PRKCA: variants seen among roughly 807,000 people sequenced by gnomAD.
The protein encoded by PRKCA is protein kinase C alpha type.
Under a neutral mutation model 87.0 loss-of-function variants are expected in PRKCA, and 27 were observed. The ratio of observed to expected loss-of-function variants is 0.31; its 90% CI spans 0.23 to 0.43. The LOEUF is 0.43. PRKCA is among the 20% of genes least tolerant of loss of function. The pLI is 1.00. For synonymous variants in PRKCA, 329 were observed against 311.1 expected (o/e 1.06, Z -0.61); for missense variants, 518 against 852.3 (o/e 0.61, Z 4.88).
At position 66,576,668 on chromosome 17, in the gene PRKCA, C is replaced by T. The variant is rs535929055; in HGVS notation, c.289-64687C>T. 9.2e-5 allele frequency among the ~76,000 whole-genome samples: 14 copies of T among 152,118 alleles called. No homozygotes were observed. The South Asian group carries it at 1.0e-3, about 11-fold the overall frequency. On this transcript the variant is annotated intron_variant, in intron 3 of 16. Transcript: ENST00000413366. ...TGAAATTTCACTTTATTTGATGGTT[C>T]GGCTAGTCATATATAAATTAGTGGG...
chr17:66,785,766 G>A (rs2144374047), intron 14 of PRKCA, among the ~76,000 whole-genome samples: 1 of 152,334 alleles, frequency 6.6e-6, no homozygotes, highest in Middle Eastern at 3.4e-3. Context: ...CGCTTATTGG[G>A]TACAACATAA....
chr17:66,787,496 ATG>A (rs1213850575), intron 15 of PRKCA, among the ~76,000 whole-genome samples: 1 of 152,194 alleles, frequency 6.6e-6, no homozygotes, highest in Non-Finnish European at 1.5e-5. Context: ...CTTAGAAAGT[ATG>A]TGCTCTCGTC....
chr17:66,359,444 A>G (rs761457055), intron 2 of PRKCA, among the ~76,000 whole-genome samples: 1 of 152,218 alleles, frequency 6.6e-6, no homozygotes, highest in Non-Finnish European at 1.5e-5. Context: ...GCTTAGGAAT[A>G]TATCACATCA....
chr17:66,459,048 G>A (rs1229256277), intron 2 of PRKCA, among the ~76,000 whole-genome samples: 2 of 151,928 alleles, frequency 1.3e-5, no homozygotes, highest in Non-Finnish European at 2.9e-5. Context: ...GAACCACTAA[G>A]GAACACACTC....
At chr17:66,565,882 C>T (rs9899742) in intron 3 of PRKCA, among the ~76,000 whole-genome samples, 91,176 of 151,758 alleles carry the variant, frequency 0.6, 28,719 homozygotes, top group African/African-American at 0.8. Context: ...TTTTTGAGTC[C>T]GTTGACTACC....
At chr17:66,604,540 G>T (rs192303989) in intron 3 of PRKCA, among the ~76,000 whole-genome samples, 1 of 152,316 alleles carries the variant, frequency 6.6e-6, no homozygotes, top group African/African-American at 2.4e-5. Context: ...GACATGGTTT[G>T]CTGAATTCAT....
chr17:66,725,232 C>T (rs1009162629), intron 8 of PRKCA, among the ~76,000 whole-genome samples: 2 of 152,138 alleles, frequency 1.3e-5, no homozygotes, highest in Non-Finnish European at 2.9e-5. Context: ...GGTGCAAATG[C>T]ATGGAGTTCT....
At chr17:66,316,717 T>C (rs2143182018) in intron 2 of PRKCA, among the ~76,000 whole-genome samples, 1 of 152,238 alleles carries the variant, frequency 6.6e-6, no homozygotes, top group South Asian at 2.1e-4. Flanking sequence ...ATAGTGATTA[T>C]TGATTATATA....
intron 8 of PRKCA, among the ~76,000 whole-genome samples, chr17:66,716,927 T>C (rs181590095): frequency 4.6e-4 from 70 of 152,314 alleles, no homozygotes; most frequent in African/African-American, 1.7e-3. Flanking sequence ...AAGAAAACGA[T>C]TGAATGTGTT....
At chr17:66,736,025 T>G (rs1048231781) in intron 10 of PRKCA, among the ~76,000 whole-genome samples, 4 of 148,478 alleles carry the variant, frequency 2.7e-5, no homozygotes, top group Non-Finnish European at 4.4e-5. Context: ...AGACCACAGA[T>G]GTACCCCACC....
intron 3 of PRKCA, among the ~76,000 whole-genome samples, chr17:66,566,910 T>C (rs1968922170): frequency 6.6e-6 from 1 of 152,092 alleles, no homozygotes; most frequent in African/African-American, 2.4e-5. Flanking sequence ...GAGGAGCTGT[T>C]TGGGGCAAGA....
intron 2 of PRKCA, among the ~76,000 whole-genome samples, chr17:66,317,355 T>C (rs1905377037): frequency 6.6e-6 from 1 of 152,126 alleles, no homozygotes; most frequent in Non-Finnish European, 1.5e-5. Flanking sequence ...GTATTAGTTT[T>C]CATCTGGGAT....
At chr17:66,758,559 G>C (rs569143190) in intron 13 of PRKCA, among the ~76,000 whole-genome samples, 1 of 152,134 alleles carries the variant, frequency 6.6e-6, no homozygotes, top group African/African-American at 2.4e-5. Context: ...AGAGAATATC[G>C]TGGAAACCAT....
chr17:66,645,533 G>A (rs1567952196), intron 5 of PRKCA, 22 bp downstream of exon 5: 1 of 1,613,936 alleles, frequency 6.2e-7, no homozygotes, highest in Non-Finnish European at 8.5e-7. Context: ...TCATCCCGGA[G>A]CAGCATCGTG....
chr17:66,480,626 G>A (rs191445240), intron 2 of PRKCA, among the ~76,000 whole-genome samples: 288 of 152,162 alleles, frequency 1.9e-3, no homozygotes, highest in African/African-American at 6.3e-3. Context: ...TACTTGTACC[G>A]TGCCCTGCCT....
At chr17:66,445,130 T>C (rs1296943968) in intron 2 of PRKCA, among the ~76,000 whole-genome samples, 3 of 152,166 alleles carry the variant, frequency 2.0e-5, no homozygotes, top group Non-Finnish European at 4.4e-5. Context: ...AGTCAAATGC[T>C]CTACCCCTGA....
intron 2 of PRKCA, among the ~76,000 whole-genome samples, chr17:66,371,385 A>G (rs914858622): frequency 6.6e-6 from 1 of 152,216 alleles, no homozygotes; most frequent in African/African-American, 2.4e-5. Context: ...GTTCAGATCC[A>G]CATATAAGAC....
At chr17:66,520,013 G>A (rs1967103996) in intron 3 of PRKCA, among the ~76,000 whole-genome samples, 1 of 152,168 alleles carries the variant, frequency 6.6e-6, no homozygotes, top group Non-Finnish European at 1.5e-5. Flanking sequence ...CTATTGGAAG[G>A]CCAGGATAAC....
At chr17:66,604,460 G>A (rs754627441) in intron 3 of PRKCA, among the ~76,000 whole-genome samples, 2 of 152,190 alleles carry the variant, frequency 1.3e-5, no homozygotes, top group Non-Finnish European at 1.5e-5. Flanking sequence ...CCACAGCCAA[G>A]GTTTTCTCTA....
Sources: gnomAD v4.1 joint callset for allele counts (sites outside exome capture counted in the v4.1 genomes callset) on GRCh38, gnomAD v4.1.1 for gene constraint, MANE v1.5 for transcripts, NCBI Gene and HGNC (gene_info 2026-07-23, HGNC 2026-07-21) for gene names.